Variants in VAV2 observed in about 807,000 individuals in gnomAD.
VAV2 encodes the protein guanine nucleotide exchange factor VAV2.
VAV2 carries 67 observed loss-of-function variants against 132.5 expected under a neutral mutation model. That is an observed-to-expected ratio of 0.51 (90% CI 0.42 to 0.62). The LOEUF is 0.62. VAV2 is among the 20% of genes least tolerant of loss of function. The probability of loss-of-function intolerance (pLI) is 0.00; values close to 1 mark genes in which losing one functional copy is unlikely to be tolerated. For missense variants in VAV2, 938 were observed against 1,153.6 expected (o/e 0.81, Z 2.71); for synonymous variants, 492 against 443.5 (o/e 1.11, Z -1.37).
chr9:133,884,625 T>A lies in VAV2; in HGVS notation c.322-23193A>T, dbSNP rs1043745709. On this transcript the variant is annotated intron_variant, in intron 2 of 29. Transcript: ENST00000371850. The surrounding 1 kb of genome is among the most constrained non-coding windows in gnomAD (Gnocchi z 5.3). ...AAGCTGACCGCTTGGCACAGCTGCC[T>A]TTTTCTATATGCATAAGATGCTTCA... 5.3e-5 allele frequency among the ~76,000 whole-genome samples: 8 copies of A among 152,292 alleles called. No homozygotes were observed. In the East Asian group the frequency reaches 1.5e-3, roughly 29 times the overall value.
rs559146321 is a variant in VAV2 at position 133,832,580 on chromosome 9, C to T, written c.449+1692G>A. On this transcript the variant is annotated intron_variant, in intron 4 of 29. Transcript: ENST00000371850. ...TTTTCTTTTTTTTTTTTACCCCAGACGGAGTTTCACTCTTGTCGCCCAGGC... is the reference window on the plus strand; with the variant it reads ...TTTTCTTTTTTTTTTTTACCCCAGATGGAGTTTCACTCTTGTCGCCCAGGC... 1.3e-4 allele frequency among the ~76,000 whole-genome samples: 19 copies of T among 151,524 alleles called. 1 individual carries two copies. The highest frequency in any genetic ancestry group is 6.2e-4 in the South Asian group (3 of 4,806).
chr9:133,913,929 C>T (rs376884462), intron 2 of VAV2, among the ~76,000 whole-genome samples: 1 of 152,246 alleles, frequency 6.6e-6, no homozygotes, highest in African/African-American at 2.4e-5. Flanking sequence ...CTCAGCCACT[C>T]CCCCAGACTC....
At chr9:133,814,995 C>T (rs1203586156) in intron 4 of VAV2, among the ~76,000 whole-genome samples, 4 of 152,114 alleles carry the variant, frequency 2.6e-5, no homozygotes, top group Non-Finnish European at 2.9e-5. Flanking sequence ...GAACGTATTC[C>T]GGGAAATACA....
chr9:133,941,621 G>GA (rs1491056197), intron 1 of VAV2, among the ~76,000 whole-genome samples: 2 of 132,502 alleles, frequency 1.5e-5, no homozygotes, highest in Non-Finnish European at 3.3e-5. Flanking sequence ...GGGGGGGGGG[G>GA]GACGGAATTT....
chr9:133,955,858 G>A (rs1407602687), intron 1 of VAV2, among the ~76,000 whole-genome samples: 2 of 135,640 alleles, frequency 1.5e-5, no homozygotes, highest in Non-Finnish European at 3.1e-5. Context: ...AGCCCGAGGG[G>A]AGCCCTCTAA....
intron 24 of VAV2, 88 bp downstream of exon 24, chr9:133,775,940 C>T: frequency 6.7e-7 from 1 of 1,489,894 alleles, no homozygotes; most frequent in Non-Finnish European, 9.0e-7. Context: ...TGCTGGGCCG[C>T]TCACAGGCAC....
chr9:133,983,635 G>T lies in VAV2; in HGVS notation c.204+8440C>A, dbSNP rs566828694. ...AGGATTTTTGCAATCACAACGCTCG[G>T]CAGAGAACTCTCTCTCTTCGCCAAC... is the stretch of plus-strand genomic sequence containing the variant. On this transcript the variant is annotated intron_variant, in intron 1 of 29. Transcript: ENST00000371850. Among the ~76,000 whole-genome samples the T allele has an allele frequency of 8.6e-5, 13 of 151,604 alleles. No individual in the cohort carries two copies. The East Asian group carries it at 2.1e-3, about 25-fold the overall frequency.
chr9:133,798,023 G>A (rs377096688), intron 9 of VAV2, among the ~76,000 whole-genome samples: 1 of 152,238 alleles, frequency 6.6e-6, no homozygotes, highest in African/African-American at 2.4e-5. Flanking sequence ...GGCGTGCTGG[G>A]AGAGGGGGTG....
At chr9:133,772,636 A>G (rs1388257961) in intron 25 of VAV2, among the ~76,000 whole-genome samples, 1 of 60,150 alleles carries the variant, frequency 1.7e-5, no homozygotes, top group Non-Finnish European at 4.7e-5. Context: ...CCCCCTTGCC[A>G]GACACAGACA....
intron 3 of VAV2, among the ~76,000 whole-genome samples, chr9:133,847,453 G>A (rs1836979660): frequency 6.6e-6 from 1 of 152,234 alleles, no homozygotes; most frequent in Admixed American, 6.5e-5. Context: ...TAAAGGGGCA[G>A]TGGAGCCTCT....
At chr9:133,851,076 C>T (rs1354113137) in intron 3 of VAV2, among the ~76,000 whole-genome samples, 5 of 152,228 alleles carry the variant, frequency 3.3e-5, no homozygotes, top group Admixed American at 6.5e-5. Flanking sequence ...CTTCTAAAAC[C>T]ACTTTCATGG....
At chr9:133,837,026 T>C (rs1044695052) in intron 3 of VAV2, among the ~76,000 whole-genome samples, 1 of 152,198 alleles carries the variant, frequency 6.6e-6, no homozygotes, top group African/African-American at 2.4e-5. Flanking sequence ...GGAAAGGCTT[T>C]GGAGTTGGGC....
At position 133,826,918 on chromosome 9, in the gene VAV2, A is replaced by G. The variant is rs1233712713; in HGVS notation, c.449+7354T>C. On this transcript the variant is annotated intron_variant, in intron 4 of 29. Coordinates refer to ENST00000371850, the MANE Select transcript of VAV2 (RefSeq NM_001134398.2). This position sits in a 1 kb window ranked among gnomAD's most constrained non-coding sequence, Gnocchi z 4.2. ...ACAGCGGCACCAGTGTCCTCGCAAG[A>G]CGCACTCATCACGGCGCTCTGTGGC... Among the ~76,000 whole-genome samples the G allele has an allele frequency of 6.6e-6, 1 of 152,092 alleles. No individual in the cohort carries two copies. The highest frequency in any genetic ancestry group is 6.5e-5 in the Admixed American group (1 of 15,276).
intron 13 of VAV2, 59 bp from the exon 14 acceptor site, chr9:133,789,402 G>T (rs1389682547): frequency 1.3e-6 from 2 of 1,547,244 alleles, no homozygotes; most frequent in East Asian, 4.5e-5. Flanking sequence ...TCTCCTGACC[G>T]CACGGGCAGG....
intron 3 of VAV2, among the ~76,000 whole-genome samples, chr9:133,859,855 A>G (rs536729819): frequency 3.3e-5 from 5 of 152,214 alleles, no homozygotes; most frequent in Non-Finnish European, 7.3e-5. Context: ...AAAATAGCCT[A>G]TGCACCTGGC....
intron 2 of VAV2, among the ~76,000 whole-genome samples, chr9:133,913,382 CACT>C (rs960440782): frequency 1.3e-5 from 2 of 152,172 alleles, no homozygotes; most frequent in Non-Finnish European, 2.9e-5. Context: ...GAAGGGACCT[CACT>C]ACACCAGCGA....
In VAV2 at chr9:133,884,171, T is replaced by C. The variant is rs115450280; in HGVS notation, c.322-22739A>G. Among the ~76,000 whole-genome samples the C allele has an allele frequency of 2.6e-3, 387 of 151,606 alleles. 4 individuals are homozygous for C. The highest frequency in any genetic ancestry group is 8.6e-3 in the African/African-American group (355 of 41,310). On this transcript the variant is annotated intron_variant, in intron 2 of 29. Transcript: ENST00000371850. The surrounding 1 kb of genome is among the most constrained non-coding windows in gnomAD (Gnocchi z 5.3). ...CTCAACCAAAAAAAAAAAATGATTC[T>C]AGCAACTCATGAGCAAAGAGAGGGA...
At chr9:133,837,217 A>C (rs1490090489) in intron 3 of VAV2, among the ~76,000 whole-genome samples, 2 of 152,234 alleles carry the variant, frequency 1.3e-5, no homozygotes, top group Non-Finnish European at 2.9e-5. Context: ...GGGGCCCAAC[A>C]GTGGCAGCTG....
At chr9:133,934,742 G>A (rs377663883) in intron 2 of VAV2, among the ~76,000 whole-genome samples, 4 of 152,274 alleles carry the variant, frequency 2.6e-5, no homozygotes, top group South Asian at 2.1e-4. Context: ...TGTCACCCCC[G>A]TTCCTGGGTC....
Sources: gnomAD v4.1 joint callset for allele counts (sites outside exome capture counted in the v4.1 genomes callset) on GRCh38, gnomAD v4.1.1 for gene constraint, Gnocchi (gnomAD v3.1) non-coding constraint, MANE v1.5 for transcripts, NCBI Gene and HGNC (gene_info 2026-07-23, HGNC 2026-07-21) for gene names.